Variants in FRY observed in about 807,000 individuals in gnomAD.
FRY encodes the protein protein furry homolog.
Under a neutral mutation model 348.4 loss-of-function variants are expected in FRY, and 128 were observed. That is an observed-to-expected ratio of 0.37 (90% CI 0.32 to 0.43). The LOEUF is 0.43. FRY is among the 20% of genes least tolerant of loss of function. The pLI is 1.00. For missense variants in FRY, 2,736 were observed against 3,695.2 expected (o/e 0.74, Z 6.73); for synonymous variants, 1,370 against 1,374.7 (o/e 1.00, Z 0.08).
intron 2 of FRY, among the ~76,000 whole-genome samples, 173 bp from the exon 3 acceptor site, chr13:32,101,790 A>G (rs766049889): frequency 3.9e-5 from 6 of 152,200 alleles, no homozygotes; most frequent in African/African-American, 7.2e-5. Flanking sequence ...ATCAAACATA[A>G]CTACTATGGT....
chr13:32,065,613 T>A (rs779529410), intron 1 of FRY, among the ~76,000 whole-genome samples: 28 of 151,430 alleles, frequency 1.8e-4, no homozygotes, highest in Non-Finnish European at 3.2e-4. Flanking sequence ...ACCAAAAAAA[T>A]TTTTTTAGAG....
rs565358828 is a variant in FRY, at chr13:32,173,522, G to A, written c.2307G>A (p.Ala769=). Reference sequence around the variant, plus strand: ...TTTTAATACTCAAGGAAATTCGAGCGTTGTTTATTGCCCTGGGGCAGCCTG... The same window carrying A: ...TTTTAATACTCAAGGAAATTCGAGCATTGTTTATTGCCCTGGGGCAGCCTG... ...LSVLILKEIR[A]LFIALGQPED... Residue 769 remains alanine, a synonymous_variant, in exon 19 of 61, where the codon GCG becomes GCA. Transcript: ENST00000542859. 86 of 1,613,626 alleles carry A rather than the reference G, an allele frequency of 5.3e-5. 1 individual carries two copies. Among genetic ancestry groups the A allele is most frequent in the South Asian group, 4.3e-4 (39 of 91,058 alleles).
intron 25 of FRY, 58 bp downstream of exon 25, chr13:32,184,749 C>T: frequency 1.8e-6 from 2 of 1,087,966 alleles, no homozygotes; most frequent in Non-Finnish European, 2.9e-6. Context: ...TTTTTGTTTT[C>T]TTTCTGTCTC....
chr13:32,185,284 C>A, intron 26 of FRY, 136 bp downstream of exon 26: 1 of 740,148 alleles, frequency 1.4e-6, no homozygotes, highest in Non-Finnish European at 2.4e-6. Context: ...CTTCGAGATA[C>A]TAGGACATAT....
intron 53 of FRY, among the ~76,000 whole-genome samples, chr13:32,264,289 G>A (rs941362855): frequency 6.6e-6 from 1 of 152,100 alleles, no homozygotes; most frequent in African/African-American, 2.4e-5. Flanking sequence ...CTCAAACTCA[G>A]TATTTACCAG....
At chr13:32,267,062 G>C (rs1482610201) in intron 54 of FRY, 108 bp from the exon 55 acceptor site, 1 of 960,132 alleles carries the variant, frequency 1.0e-6, no homozygotes, top group African/African-American at 1.6e-5. Context: ...GGAAGAGTGG[G>C]TAGAATAGCT....
chr13:32,267,166 C>G lies in FRY; in HGVS notation c.7947-4C>G. On this transcript the variant is annotated splice_region_variant and splice_polypyrimidine_tract_variant and intron_variant, in intron 54 of 60. Coordinates refer to ENST00000542859, the MANE Select transcript of FRY (RefSeq NM_023037.3). Reference sequence around the variant, plus strand: ...CTTGACATAGTCGTTTTCATTTTTTCCAGCTTTGGAGAAGGTGACAGGGGA... The same window carrying G: ...CTTGACATAGTCGTTTTCATTTTTTGCAGCTTTGGAGAAGGTGACAGGGGA... 12 of 1,343,206 alleles carry G rather than the reference C, an allele frequency of 8.9e-6. No individual in the cohort carries two copies. The highest frequency in any genetic ancestry group is 1.5e-5 in the African/African-American group (1 of 68,134). The allele number at this position is 1,343,206 out of a possible 1,614,324, so 83.2% of individuals were successfully genotyped here. A position where few individuals can be genotyped will look rare whatever the true frequency, so the allele number is the denominator to read the frequency against.
chr13:32,234,744 C>A lies in FRY; in HGVS notation c.5698C>A (p.His1900Asn), dbSNP rs1306705203. ...LSRLVEVIGE[H>N]GDEIQGYVME... ...AAGATTGGTGGAGGTGATAGGAGAACATGGAGATGAGATTCAGGTATGGAA... is the reference window on the plus strand; with the variant it reads ...AAGATTGGTGGAGGTGATAGGAGAAAATGGAGATGAGATTCAGGTATGGAA... The change falls in exon 42 of 61, where the codon CAT (histidine) becomes AAT (asparagine). Residue 1900 changes from histidine to asparagine, a missense_variant. Transcript: ENST00000542859. The A allele has an allele frequency of 1.9e-6, 3 of 1,614,022 alleles. No homozygotes were observed. The highest frequency in any genetic ancestry group is 4.5e-5 in the East Asian group (2 of 44,876).
At chr13:32,189,291 C>T (rs1282885751) in intron 28 of FRY, among the ~76,000 whole-genome samples, 2 of 152,060 alleles carry the variant, frequency 1.3e-5, no homozygotes, top group Non-Finnish European at 2.9e-5. Context: ...AAATTCTGTT[C>T]AGACATGTTA....
At chr13:32,156,080 C>T (rs1881087354) in intron 15 of FRY, among the ~76,000 whole-genome samples, 1 of 152,154 alleles carries the variant, frequency 6.6e-6, no homozygotes, top group Non-Finnish European at 1.5e-5. Context: ...TCACAACACA[C>T]ATCAGGTTAT....
In FRY at chr13:32,171,186, G is replaced by T. The variant is rs1293912075; in HGVS notation, c.2067G>T (p.Leu689=). The change falls in exon 18 of 61, where the codon CTG becomes CTT. Residue 689 remains leucine, a synonymous_variant. Coordinates refer to ENST00000542859, the MANE Select transcript of FRY (RefSeq NM_023037.3). ...TCCTTGATTCGTCCCTGAAGTTGCT[G>T]CTGCAGCTGCTCACCCAGTGGAAAC... is the stretch of plus-strand genomic sequence containing the variant. ...HTLLDSSLKL[L]LQLLTQWKLV... is the part of the protein sequence containing the mutation. 3.7e-6 allele frequency: 6 copies of T among 1,613,314 alleles called. No homozygotes were observed. In the Admixed American group the frequency reaches 1.0e-4, roughly 27 times the overall value.
intron 47 of FRY, among the ~76,000 whole-genome samples, chr13:32,244,659 CAACA>C (rs909986710): frequency 3.9e-5 from 6 of 152,056 alleles, no homozygotes; most frequent in Admixed American, 2.0e-4. Flanking sequence ...GAAAATACTG[CAACA>C]AACAAACAAA....
At chr13:32,264,114 G>A (rs1887807721) in intron 53 of FRY, among the ~76,000 whole-genome samples, 1 of 152,212 alleles carries the variant, frequency 6.6e-6, no homozygotes, top group African/African-American at 2.4e-5. Context: ...CATTTCTGCA[G>A]TGTTTGATAA....
chr13:32,193,657 C>T (rs1418045206), intron 28 of FRY, among the ~76,000 whole-genome samples: 1 of 147,432 alleles, frequency 6.8e-6, no homozygotes, highest in Non-Finnish European at 1.5e-5. Context: ...ACGATCTCAG[C>T]TCACTGCAAC....
rs932909888 is a variant in FRY at position 32,186,279 on chromosome 13, C to T, written c.3339C>T (p.Leu1113=). The T allele has an allele frequency of 6.2e-7, 1 of 1,613,606 alleles. No individual in the cohort carries two copies. ...CCCTAGTTCACCACCGAAGATTTCT[C>T]TTCCCCCAGCAAAGTCTGAGGCACC... ...QCVPVHHRRF[L]FPQQSLRHHL... Residue 1113 remains leucine, a synonymous_variant, in exon 27 of 61, where the codon CTC becomes CTT. Transcript: ENST00000542859.
chr13:32,254,246 A>G lies in FRY; in HGVS notation c.7268A>G (p.Asp2423Gly). The change falls in exon 51 of 61, where the codon GAT (aspartate) becomes GGT (glycine). Residue 2423 changes from aspartate to glycine, a missense_variant. Asp to Gly is a moderately conservative substitution (Grantham distance 94). Coordinates refer to ENST00000542859, the MANE Select transcript of FRY (RefSeq NM_023037.3). ...CAGGTGATTTTTTCATCGTGTGGGG[A>G]TCTGGATCTGCTTGAGCACCAGACA... is the stretch of plus-strand genomic sequence containing the variant. Reference protein sequence around the residue: ...NPSVIFSSCGDLDLLEHQTSL... With the variant: ...NPSVIFSSCGGLDLLEHQTSL... The G allele has an allele frequency of 1.2e-6, 2 of 1,614,070 alleles. No homozygotes were observed. The highest frequency in any genetic ancestry group is 1.7e-6 in the Non-Finnish European group (2 of 1,180,006).
intron 34 of FRY, among the ~76,000 whole-genome samples, chr13:32,211,848 G>A (rs760527196): frequency 9.9e-5 from 15 of 151,932 alleles, no homozygotes; most frequent in Non-Finnish European, 1.9e-4. Context: ...TCCTCTGTTC[G>A]CCCTACACCC....
At chr13:32,146,600 C>T (rs1049511881) in intron 11 of FRY, among the ~76,000 whole-genome samples, 3 of 152,182 alleles carry the variant, frequency 2.0e-5, no homozygotes, top group Non-Finnish European at 4.4e-5. Flanking sequence ...TCCCAAAGTG[C>T]TGGGATTACA....
intron 1 of FRY, among the ~76,000 whole-genome samples, chr13:32,044,066 C>G (rs1242784539): frequency 6.7e-6 from 1 of 149,704 alleles, no homozygotes; most frequent in Non-Finnish European, 1.5e-5. Context: ...AAAATAAGAC[C>G]AAAAAAAGAA....
Sources: gnomAD v4.1 joint callset for allele counts (sites outside exome capture counted in the v4.1 genomes callset) on GRCh38, gnomAD v4.1.1 for gene constraint, MANE v1.5 for transcripts, NCBI Gene and HGNC (gene_info 2026-07-23, HGNC 2026-07-21) for gene names.